The following CAST variants were observed in gnomAD, a reference collection of about 807,000 sequenced individuals.
The protein encoded by CAST is MIR583 host.
Under a neutral mutation model 119.6 loss-of-function variants are expected in CAST, and 76 were observed. The ratio of observed to expected loss-of-function variants is 0.64; its 90% CI spans 0.53 to 0.77. The LOEUF (loss-of-function observed/expected upper bound fraction) is 0.77, where lower values mean the gene tolerates loss of function less well. Ranked by LOEUF, CAST falls within the 30% of genes least tolerant of loss-of-function variation. The probability of loss-of-function intolerance (pLI) is 0.00; values close to 1 mark genes in which losing one functional copy is unlikely to be tolerated. For missense variants in CAST, 953 were observed against 946.5 expected, an observed-to-expected ratio of 1.01 and a Z score of -0.09; for synonymous variants, 319 against 331.6, an observed-to-expected ratio of 0.96 and a Z score of 0.41.
At chr5:96,142,516 A>G in the CAST span, among the ~76,000 whole-genome samples, 1 of 152,264 alleles carries the variant, frequency 6.6e-6, no homozygotes, top group Non-Finnish European at 1.5e-5. Context: ...GCAAAAAGAT[A>G]GTATTTTTCT....
chr5:95,979,757 C>T, the CAST span, among the ~76,000 whole-genome samples: 2 of 152,140 alleles, frequency 1.3e-5, no homozygotes, highest in African/African-American at 4.8e-5. Flanking sequence ...TCTCCCTCAT[C>T]TAAGACTTAT....
intron 1 of CAST, among the ~76,000 whole-genome samples, chr5:96,533,323 A>T (rs879678707): frequency 6.6e-6 from 1 of 152,300 alleles, no homozygotes; most frequent in Non-Finnish European, 1.5e-5. Context: ...GTAATGCAGA[A>T]CTACCAAGGA....
At chr5:96,014,018 T>G in the CAST span, among the ~76,000 whole-genome samples, 1 of 152,142 alleles carries the variant, frequency 6.6e-6, no homozygotes, top group Admixed American at 6.5e-5. Context: ...CTTTTTTACT[T>G]TGTAAACTTT....
the CAST span, among the ~76,000 whole-genome samples, chr5:96,255,951 G>C: frequency 6.6e-6 from 1 of 152,048 alleles, no homozygotes; most frequent in Non-Finnish European, 1.5e-5. Flanking sequence ...GGGACCCTCT[G>C]TTAAATAGGT....
the CAST span, among the ~76,000 whole-genome samples, chr5:95,979,433 G>GAT: frequency 6.6e-6 from 1 of 152,110 alleles, no homozygotes; most frequent in Non-Finnish European, 1.5e-5. Flanking sequence ...CAGGATAGAG[G>GAT]ATATAAGTAA....
intron 30 of CAST, 41 bp from the exon 31 acceptor site, chr5:96,771,603 C>T (rs776901315): frequency 1.9e-6 from 3 of 1,569,886 alleles, no homozygotes; most frequent in South Asian, 1.1e-5. Flanking sequence ...ATACTTAATA[C>T]AGAAAAGAAA....
At chr5:96,020,972 A>G in the CAST span, among the ~76,000 whole-genome samples, 36 of 152,050 alleles carry the variant, frequency 2.4e-4, no homozygotes, top group Non-Finnish European at 4.0e-4. Flanking sequence ...GAAATATTTA[A>G]TTCAGTTATT....
At chr5:96,215,529 G>A in the CAST span, 5 of 152,118 alleles carry the variant, frequency 3.3e-5, no homozygotes, top group Admixed American at 6.5e-5. Context: ...TTTATTTAAA[G>A]TACAGTTAAC....
At chr5:96,410,888 G>A in the CAST span, 1 of 1,613,926 alleles carries the variant, frequency 6.2e-7, no homozygotes, top group Non-Finnish European at 8.5e-7. Flanking sequence ...TGGAGATGGT[G>A]TAGATGCTGT....
the CAST span, among the ~76,000 whole-genome samples, chr5:96,282,926 G>C: frequency 2.0e-5 from 3 of 151,192 alleles, no homozygotes; most frequent in East Asian, 3.9e-4. Flanking sequence ...TCAGGAGATC[G>C]AGACCATCCT....
the CAST span, among the ~76,000 whole-genome samples, chr5:96,512,634 C>G: frequency 6.6e-6 from 1 of 152,144 alleles, no homozygotes; most frequent in Non-Finnish European, 1.5e-5. Context: ...TCATATTATA[C>G]TTCAAATCTT....
At chr5:96,022,454 A>G in the CAST span, among the ~76,000 whole-genome samples, 2 of 152,220 alleles carry the variant, frequency 1.3e-5, no homozygotes, top group Non-Finnish European at 2.9e-5. Context: ...TAGTGCAGTG[A>G]TCTACCAGGT....
chr5:96,639,581 G>A (rs576946440), intron 1 of CAST, among the ~76,000 whole-genome samples: 2 of 152,314 alleles, frequency 1.3e-5, no homozygotes, highest in South Asian at 2.1e-4. Flanking sequence ...CAGGATCTGC[G>A]GGGACACAAG....
At chr5:96,314,658 T>C in the CAST span, among the ~76,000 whole-genome samples, 1 of 152,218 alleles carries the variant, frequency 6.6e-6, no homozygotes, top group African/African-American at 2.4e-5. Flanking sequence ...TCAGACCAAA[T>C]ATTACCTCCT....
At chr5:96,086,694 T>C in the CAST span, among the ~76,000 whole-genome samples, 1 of 152,072 alleles carries the variant, frequency 6.6e-6, no homozygotes, top group South Asian at 2.1e-4. Context: ...GTCCTGAGCT[T>C]TTTCTCAGCT....
At chr5:96,215,586 A>G in the CAST span, 1 of 151,918 alleles carries the variant, frequency 6.6e-6, no homozygotes, top group South Asian at 2.1e-4. Context: ...TTATACATGG[A>G]TTTTTTTCTA....
chr5:96,388,308 C>A, the CAST span, among the ~76,000 whole-genome samples: 1 of 152,248 alleles, frequency 6.6e-6, no homozygotes, highest in Non-Finnish European at 1.5e-5. Context: ...TGTTCTCTCT[C>A]AGGATGGCTC....
At chr5:96,028,237 G>C in the CAST span, among the ~76,000 whole-genome samples, 1 of 151,632 alleles carries the variant, frequency 6.6e-6, no homozygotes, top group South Asian at 2.1e-4. Context: ...ACTGAAAAAG[G>C]GTGAAATAAA....
At chr5:96,647,662 T>G (rs111326173) in intron 1 of CAST, among the ~76,000 whole-genome samples, 2,786 of 152,080 alleles carry the variant, frequency 0.018, 97 homozygotes, top group African/African-American at 0.062. Context: ...AAATACATAA[T>G]AAATAAATAA....
Sources: allele counts gnomAD v4.1 joint callset (sites outside exome capture counted in the v4.1 genomes callset), GRCh38; gene constraint gnomAD v4.1.1; transcripts MANE v1.5; gene names NCBI Gene and HGNC (gene_info 2026-07-23, HGNC 2026-07-21).